Variants in DOCK10 observed in about 807,000 individuals in gnomAD.
DOCK10 encodes dedicator of cytokinesis 10, also known as dedicator of cytokinesis protein 10.
DOCK10 carries 145 observed loss-of-function variants against 280.1 expected under a neutral mutation model. The observed-to-expected ratio is 0.52, with a 90% CI of 0.45 to 0.59. The LOEUF is 0.59. DOCK10 is among the 20% of genes least tolerant of loss of function. The pLI is 0.00. For synonymous variants in DOCK10, 915 were observed against 942.2 expected, an observed-to-expected ratio of 0.97 and a Z score of 0.53; for missense variants, 2,368 against 2,651.7, an observed-to-expected ratio of 0.89 and a Z score of 2.35.
chr2:224,951,299 A>G (rs560306641), intron 1 of DOCK10, among the ~76,000 whole-genome samples: 2 of 152,316 alleles, frequency 1.3e-5, no homozygotes, highest in East Asian at 3.9e-4. Flanking sequence ...TACATAAACT[A>G]TTATTATTGA....
At chr2:224,898,189 C>A (rs1245612858) in intron 3 of DOCK10, among the ~76,000 whole-genome samples, 1 of 152,122 alleles carries the variant, frequency 6.6e-6, no homozygotes. Context: ...ATGTTCCAGG[C>A]AAGAGGCTCG....
chr2:224,920,034 GA>G (rs1387986501), intron 2 of DOCK10, among the ~76,000 whole-genome samples: 1 of 152,114 alleles, frequency 6.6e-6, no homozygotes, highest in African/African-American at 2.4e-5. Context: ...TGCAAAGTAA[GA>G]TAGAGCCAAT....
chr2:224,959,760 T>G (rs776683390), intron 1 of DOCK10, among the ~76,000 whole-genome samples: 1 of 152,260 alleles, frequency 6.6e-6, no homozygotes. Context: ...ACTTTCGCCT[T>G]GAATACAGCT....
rs1222919055 is a variant in DOCK10, at chr2:224,814,319, C to T, written c.3409+1G>A. The stretch of plus-strand genomic sequence containing the variant: ...TGCTTAGGTAAGGTAATATCACTTA[C>T]CTGATGCATGTAACTCTTGAGTCGA... On this transcript the variant is annotated splice_donor_variant, in intron 31 of 55. Transcript: ENST00000258390. LOFTEE classifies it high-confidence loss of function. 1.3e-6 allele frequency: 2 copies of T among 1,527,286 alleles called. No individual in the cohort carries two copies. The highest frequency in any genetic ancestry group is 1.8e-6 in the Non-Finnish European group (2 of 1,136,230). The allele number at this position is 1,527,286 out of a possible 1,614,324, so 94.6% of individuals were successfully genotyped here. A position where few individuals can be genotyped will look rare whatever the true frequency, so the allele number is the denominator to read the frequency against.
intron 19 of DOCK10, among the ~76,000 whole-genome samples, chr2:224,848,961 T>C (rs1696542461): frequency 6.6e-6 from 1 of 152,162 alleles, no homozygotes; most frequent in Non-Finnish European, 1.5e-5. Context: ...AGCATCTTTT[T>C]TTTAAATTTA....
intron 7 of DOCK10, among the ~76,000 whole-genome samples, chr2:224,883,621 G>A (rs1367687318): frequency 1.3e-5 from 2 of 152,310 alleles, no homozygotes; most frequent in African/African-American, 4.8e-5. Context: ...CTTACTCAAA[G>A]TCTTTGGGTA....
chr2:224,971,360 A>T (rs993645711), intron 1 of DOCK10, among the ~76,000 whole-genome samples: 99 of 151,996 alleles, frequency 6.5e-4, no homozygotes, highest in African/African-American at 2.4e-3. Flanking sequence ...GGGCATGGCC[A>T]GATTGCAGGT....
intron 51 of DOCK10, among the ~76,000 whole-genome samples, 181 bp downstream of exon 51, chr2:224,777,957 T>C (rs1369527393): frequency 6.6e-6 from 1 of 152,136 alleles, no homozygotes; most frequent in African/African-American, 2.4e-5. Context: ...AATAAACACA[T>C]ATAATGTTTT....
intron 3 of DOCK10, among the ~76,000 whole-genome samples, chr2:224,915,026 A>G (rs1008196316): frequency 6.6e-6 from 1 of 152,188 alleles, no homozygotes; most frequent in African/African-American, 2.4e-5. Context: ...CAGATTTGTG[A>G]CAAAGTTATA....
chr2:224,975,248 C>T (rs1196670224), intron 1 of DOCK10, among the ~76,000 whole-genome samples: 1 of 152,134 alleles, frequency 6.6e-6, no homozygotes, highest in Non-Finnish European at 1.5e-5. Context: ...CAGAGAGAAG[C>T]CATTCAATTC....
At chr2:224,804,329 TAATC>T (rs1693232216) in intron 38 of DOCK10, 116 bp from the exon 39 acceptor site, 1 of 592,870 alleles carries the variant, frequency 1.7e-6, no homozygotes, top group Admixed American at 3.5e-5. Context: ...TGCTGTGAAT[TAATC>T]AAAAATAAAA....
rs182532083 is a variant in DOCK10, at chr2:224,844,731, T to A, written c.2568+22A>T. ...TGCTGTGAGTTAGAGAAGATGCTAG[T>A]ATTTCAGGTCAACATACTCACCTGA... On this transcript the variant is annotated intron_variant, in intron 22 of 55. Coordinates refer to ENST00000258390, the MANE Select transcript of DOCK10 (RefSeq NM_014689.3). The A allele has an allele frequency of 1.5e-5, 22 of 1,444,846 alleles. No homozygotes were observed. The East Asian group carries it at 3.8e-4, about 25-fold the overall frequency. 89.5% of individuals were successfully genotyped at this position (1,444,846 alleles called of 1,614,324 possible).
At chr2:224,963,068 T>A (rs1048631430) in intron 1 of DOCK10, among the ~76,000 whole-genome samples, 3 of 152,226 alleles carry the variant, frequency 2.0e-5, no homozygotes, top group Non-Finnish European at 4.4e-5. Context: ...TGGAAACTGT[T>A]GTCCAAGCTG....
intron 1 of DOCK10, among the ~76,000 whole-genome samples, chr2:224,985,341 T>C (rs1162447498): frequency 6.6e-6 from 1 of 151,764 alleles, no homozygotes; most frequent in African/African-American, 2.4e-5. Context: ...GGAAGCTAGA[T>C]TTCATCCTGG....
intron 1 of DOCK10, among the ~76,000 whole-genome samples, chr2:224,941,998 G>A (rs556664392): frequency 2.0e-5 from 3 of 152,024 alleles, no homozygotes; most frequent in South Asian, 2.1e-4. Flanking sequence ...TTTGTACCAC[G>A]GCCACCTTCC....
At chr2:224,798,221 T>C (rs1273773652) in intron 41 of DOCK10, among the ~76,000 whole-genome samples, 1 of 152,164 alleles carries the variant, frequency 6.6e-6, no homozygotes, top group East Asian at 1.9e-4. Flanking sequence ...ATTACTTCCA[T>C]AGGGTAGTCA....
chr2:224,851,080 C>T (rs992610516), intron 18 of DOCK10, among the ~76,000 whole-genome samples: 6 of 152,174 alleles, frequency 3.9e-5, no homozygotes, highest in African/African-American at 1.4e-4. Flanking sequence ...GTTACCATCT[C>T]CACCACAGCA....
intron 7 of DOCK10, among the ~76,000 whole-genome samples, chr2:224,877,487 G>C (rs905467393): frequency 8.0e-6 from 1 of 124,974 alleles, no homozygotes; most frequent in African/African-American, 3.3e-5. Flanking sequence ...TATTCTATTG[G>C]AATAGGTTCC....
At chr2:225,015,346 T>C (rs986650462) in intron 1 of DOCK10, among the ~76,000 whole-genome samples, 3 of 152,242 alleles carry the variant, frequency 2.0e-5, no homozygotes, top group African/African-American at 7.2e-5. Context: ...CGTTCTAAGA[T>C]GGCAGGATTT....
Sources: allele counts gnomAD v4.1 joint callset (sites outside exome capture counted in the v4.1 genomes callset), GRCh38; gene constraint gnomAD v4.1.1; transcripts MANE v1.5; gene names NCBI Gene and HGNC (gene_info 2026-07-23, HGNC 2026-07-21).